SPG11: variants seen among roughly 807,000 people sequenced by gnomAD.
SPG11 encodes the protein spatacsin.
A neutral mutation model predicts 274.0 loss-of-function variants in SPG11; 222 were observed. The ratio of observed to expected loss-of-function variants is 0.81; its 90% CI spans 0.73 to 0.91. The LOEUF (loss-of-function observed/expected upper bound fraction) is 0.91. SPG11 is among the 40% of genes least tolerant of loss of function. The pLI, the probability that SPG11 is intolerant of heterozygous loss-of-function variation, is 0.00. For synonymous variants in SPG11, 1,144 were observed against 1,039.7 expected, an observed-to-expected ratio of 1.10 and a Z score of -1.93; for missense variants, 3,114 against 2,872.7, an observed-to-expected ratio of 1.08 and a Z score of -1.92.
rs2083968033 is a variant in SPG11, at chr15:44,628,597, T to C, written c.2067+72A>G. On this transcript the variant is annotated intron_variant, in intron 10 of 39. Transcript: ENST00000261866. ...TCACAAGTATATAGAGTCTGAATTCTGTTTCTTTCTATTGTTTTCTCAGAC... is the reference window on the plus strand; with the variant it reads ...TCACAAGTATATAGAGTCTGAATTCCGTTTCTTTCTATTGTTTTCTCAGAC... 3.7e-6 allele frequency: 5 copies of C among 1,368,958 alleles called. No individual in the cohort carries two copies. The African/African-American group carries it at 5.7e-5, about 16-fold the overall frequency. The allele number at this position is 1,368,958 out of a possible 1,614,324, so 84.8% of individuals were successfully genotyped here.
intron 30 of SPG11, chr15:44,575,281 G>A (rs1257623836): frequency 6.0e-6 from 3 of 500,938 alleles, no homozygotes; most frequent in East Asian, 3.6e-5. Context: ...GCCACCTAAT[G>A]AGTGCTCTAG....
intron 8 of SPG11, among the ~76,000 whole-genome samples, chr15:44,630,552 C>A (rs566814545): frequency 6.6e-6 from 1 of 152,272 alleles, no homozygotes; most frequent in African/African-American, 2.4e-5. Context: ...AGACCAAACT[C>A]TGCACTCAAA....
chr15:44,573,243 C>G (rs2082461288), intron 32 of SPG11: 1 of 551,258 alleles, frequency 1.8e-6, no homozygotes, highest in Non-Finnish European at 3.2e-6. Flanking sequence ...CCTTGGCCTC[C>G]CAAAGTGCTG....
At chr15:44,600,034 A>G (rs1393767870) in intron 21 of SPG11, among the ~76,000 whole-genome samples, 1 of 152,188 alleles carries the variant, frequency 6.6e-6, no homozygotes, top group Admixed American at 6.5e-5. Flanking sequence ...AACTGCTAAT[A>G]TTTGACAAAC....
At chr15:44,621,628 G>A (rs1329355411) in intron 14 of SPG11, 131 bp downstream of exon 14, 5 of 892,726 alleles carry the variant, frequency 5.6e-6, no homozygotes, top group Non-Finnish European at 8.9e-6. Context: ...GCAACGACTT[G>A]CATTTTAAAG....
intron 30 of SPG11, 73 bp from the exon 31 acceptor site, chr15:44,575,114 A>T: frequency 6.3e-7 from 1 of 1,585,868 alleles, no homozygotes. Context: ...CTATGGCTCT[A>T]CCTCTCTGCT....
chr15:44,618,083 A>G (rs1208287166), intron 15 of SPG11, among the ~76,000 whole-genome samples: 1 of 152,216 alleles, frequency 6.6e-6, no homozygotes, highest in East Asian at 1.9e-4. Flanking sequence ...AGATTACACT[A>G]TATTTAAAGA....
rs1352070054 is a variant in SPG11 at position 44,598,372 on chromosome 15, G to A, written c.3894C>T (p.Ala1298=). ...AQYSFIRESV[A]EKLSKLADGE... is the part of the protein sequence containing the mutation. ...CATCAGCTAGTTTAGATAGTTTTTCGGCTGTAAGAAATATAAACAACAAAA... is the reference window on the plus strand; with the variant it reads ...CATCAGCTAGTTTAGATAGTTTTTCAGCTGTAAGAAATATAAACAACAAAA... Residue 1298 remains alanine, a splice_region_variant and synonymous_variant, in exon 23 of 40, where the codon GCC becomes GCT. Coordinates refer to ENST00000261866, the MANE Select transcript of SPG11 (RefSeq NM_025137.4). 57 of 1,612,784 alleles carry A rather than the reference G, an allele frequency of 3.5e-5. No homozygotes were observed. Among genetic ancestry groups the A allele is most frequent in the Non-Finnish European group, 4.4e-5 (52 of 1,179,076 alleles).
intron 7 of SPG11, among the ~76,000 whole-genome samples, chr15:44,636,093 G>A (rs999329863): frequency 6.6e-6 from 1 of 152,100 alleles, no homozygotes; most frequent in South Asian, 2.1e-4. Context: ...GTCATGGTGA[G>A]CTGCTGGTCC....
rs199655311 is a variant in SPG11, at chr15:44,573,507, T to C, written c.6205+40A>G. 1.4e-4 allele frequency: 221 copies of C among 1,605,374 alleles called. 1 individual carries two copies. The South Asian group carries it at 2.3e-3, about 17-fold the overall frequency. Reference sequence around the variant, plus strand: ...ATCCTTAACACTGGGAACTAGAGAATGCTGTCAGAGAGGTTGGGAATCCCC... The same window carrying C: ...ATCCTTAACACTGGGAACTAGAGAACGCTGTCAGAGAGGTTGGGAATCCCC... On this transcript the variant is annotated intron_variant, in intron 32 of 39. Coordinates refer to ENST00000261866, the MANE Select transcript of SPG11 (RefSeq NM_025137.4).
chr15:44,617,794 G>C (rs915538100), intron 15 of SPG11, among the ~76,000 whole-genome samples: 8 of 152,040 alleles, frequency 5.3e-5, no homozygotes, highest in African/African-American at 1.9e-4. Flanking sequence ...TCCTGCCTCA[G>C]CCTTCTGAGT....
intron 21 of SPG11, 112 bp from the exon 22 acceptor site, chr15:44,598,948 G>A (rs774344446): frequency 2.8e-6 from 3 of 1,071,668 alleles, no homozygotes; most frequent in Non-Finnish European, 4.2e-6. Context: ...GTGATTTGTG[G>A]CCTCCTCTCC....
chr15:44,617,376 C>T (rs1015605978), intron 15 of SPG11, among the ~76,000 whole-genome samples: 1 of 152,154 alleles, frequency 6.6e-6, no homozygotes, highest in East Asian at 1.9e-4. Context: ...AACATCTACC[C>T]AGAATTGATG....
At chr15:44,642,126 G>A (rs1253597301) in intron 7 of SPG11, among the ~76,000 whole-genome samples, 1 of 151,206 alleles carries the variant, frequency 6.6e-6, no homozygotes, top group Admixed American at 6.6e-5. Flanking sequence ...CAGCACTTTG[G>A]GAGGCTGAGG....
At chr15:44,592,807 G>A (rs998928801) in intron 26 of SPG11, among the ~76,000 whole-genome samples, 4 of 151,916 alleles carry the variant, frequency 2.6e-5, no homozygotes, top group African/African-American at 7.3e-5. Flanking sequence ...GCGACAGAGT[G>A]AGACTCTGTC....
At chr15:44,580,258 G>A (rs1190798295) in intron 30 of SPG11, among the ~76,000 whole-genome samples, 1 of 152,170 alleles carries the variant, frequency 6.6e-6, no homozygotes, top group Non-Finnish European at 1.5e-5. Context: ...CCCAGGATCG[G>A]TAGGCTATAT....
intron 17 of SPG11, among the ~76,000 whole-genome samples, 198 bp from the exon 18 acceptor site, chr15:44,611,183 T>G (rs2083453700): frequency 8.0e-6 from 1 of 125,762 alleles, no homozygotes; most frequent in South Asian, 2.6e-4. Context: ...TTTGTCTACA[T>G]AAAAATAAAA....
intron 17 of SPG11, among the ~76,000 whole-genome samples, chr15:44,613,103 T>C (rs1196126174): frequency 6.6e-6 from 1 of 152,098 alleles, no homozygotes; most frequent in Non-Finnish European, 1.5e-5. Context: ...CACTTCTTCA[T>C]GGAAAAAGGG....
At chr15:44,599,053 T>A (rs982039086) in intron 21 of SPG11, among the ~76,000 whole-genome samples, 3 of 152,214 alleles carry the variant, frequency 2.0e-5, no homozygotes, top group African/African-American at 7.2e-5. Context: ...TTAAGCTGAC[T>A]TTCTAAAACG....
Sources: gnomAD v4.1 joint callset for allele counts (sites outside exome capture counted in the v4.1 genomes callset) on GRCh38, gnomAD v4.1.1 for gene constraint, MANE v1.5 for transcripts, NCBI Gene and HGNC (gene_info 2026-07-23, HGNC 2026-07-21) for gene names.